The following THSD4 variants were observed in gnomAD, a reference collection of about 807,000 sequenced individuals.
THSD4 encodes the protein thrombospondin type 1 domain containing 4, also known as thrombospondin type-1 domain-containing protein 4.
A neutral mutation model predicts 119.0 loss-of-function variants in THSD4; 69 were observed. The observed-to-expected ratio is 0.58, with a 90% CI of 0.48 to 0.71. THSD4 has a LOEUF of 0.71. Ranked by LOEUF, THSD4 falls within the 30% of genes least tolerant of loss-of-function variation. THSD4 has a pLI of 0.00. For missense variants in THSD4, 1,393 were observed against 1,391.1 expected (o/e 1.00, Z -0.02); for synonymous variants, 524 against 540.4 (o/e 0.97, Z 0.42).
At chr15:71,630,100 T>TA (rs2050594547) in intron 7 of THSD4, among the ~76,000 whole-genome samples, 1 of 152,206 alleles carries the variant, frequency 6.6e-6, no homozygotes, top group Non-Finnish European at 1.5e-5. Context: ...CTTTCTTTTT[T>TA]AAAATTTGTT....
Position 71,318,347 on chromosome 15 carries a change from G to A in THSD4, c.1015+61632G>A, listed in dbSNP as rs374735131. On this transcript the variant is annotated intron_variant, in intron 6 of 17. Transcript: ENST00000261862. ...GAGACAGACAGAGAGCCAGGGAATG[G>A]CACTAGGCATAGGATGGAGCATGGT... is the stretch of plus-strand genomic sequence containing the variant. Among the ~76,000 whole-genome samples the A allele has an allele frequency of 1.2e-3, 186 of 152,258 alleles. 11 individuals carry two copies. In the South Asian group the frequency reaches 0.038, roughly 31 times the overall value.
chr15:71,116,464 A>C (rs1485432249), intron 1 of THSD4, among the ~76,000 whole-genome samples: 1 of 152,016 alleles, frequency 6.6e-6, no homozygotes, highest in Non-Finnish European at 1.5e-5. Flanking sequence ...AAGTATCTGG[A>C]ATTTGTGGTC....
chr15:71,535,328 C>T (rs1279196454), intron 7 of THSD4, among the ~76,000 whole-genome samples: 1 of 152,124 alleles, frequency 6.6e-6, no homozygotes, highest in Non-Finnish European at 1.5e-5. Context: ...TTTGTATTGC[C>T]AAACTATATT....
At chr15:71,643,236 T>C (rs1392519965) in intron 7 of THSD4, among the ~76,000 whole-genome samples, 1 of 152,198 alleles carries the variant, frequency 6.6e-6, no homozygotes, top group Non-Finnish European at 1.5e-5. Flanking sequence ...AGAAAAGAGA[T>C]ATAAGTAATC....
intron 6 of THSD4, among the ~76,000 whole-genome samples, chr15:71,320,512 A>G (rs2045251655): frequency 6.6e-6 from 1 of 152,216 alleles, no homozygotes; most frequent in African/African-American, 2.4e-5. Context: ...AAGATTTAAA[A>G]TAGGTCAGCT....
rs11448201 is a variant in THSD4, at chr15:71,774,310, C to CAAAA, written c.2915-2908_2915-2905dup. 1.6e-3 allele frequency among the ~76,000 whole-genome samples: 116 copies of CAAAA among 73,874 alleles called. 1 individual carries two copies. Among genetic ancestry groups the CAAAA allele is most frequent in the African/African-American group, 3.7e-3 (110 of 29,648 alleles). 48.5% of individuals were successfully genotyped at this position (73,874 alleles called of 152,430 possible). ...TGAGTGACAGAGTGAGACTCTGTCT[C>CAAAA]AAAAAAAAAAAAAAAAACTACAAGA... On this transcript the variant is annotated intron_variant, in intron 17 of 17. Transcript: ENST00000261862.
chr15:71,486,078 G>C (rs948860292), intron 7 of THSD4, among the ~76,000 whole-genome samples: 1 of 151,954 alleles, frequency 6.6e-6, no homozygotes, highest in Non-Finnish European at 1.5e-5. Flanking sequence ...TTCAGTTTAG[G>C]GACATGTGGA....
chr15:71,612,230 C>G (rs1194326819), intron 7 of THSD4, among the ~76,000 whole-genome samples: 2 of 152,104 alleles, frequency 1.3e-5, no homozygotes, highest in East Asian at 1.9e-4. Context: ...TCAGTGTGAT[C>G]ACTAAAGGGG....
chr15:71,302,170 G>A lies in THSD4; in HGVS notation c.1015+45455G>A, dbSNP rs115436475. 5.7e-3 allele frequency among the ~76,000 whole-genome samples: 873 copies of A among 152,294 alleles called. 4 individuals carry two copies. The highest frequency in any genetic ancestry group is 0.02 in the African/African-American group (814 of 41,546). ...TTGTGAGTCTCCTTTCCCTGGCAGC[G>A]TTTTCCATCCTTGTTTGATCAGATT... On this transcript the variant is annotated intron_variant, in intron 6 of 17. Transcript: ENST00000261862.
intron 7 of THSD4, among the ~76,000 whole-genome samples, chr15:71,490,274 A>T (rs1326037569): frequency 1.3e-5 from 2 of 151,188 alleles, no homozygotes; most frequent in Non-Finnish European, 3.0e-5. Flanking sequence ...AAAATACAAA[A>T]ATTAGGCCGG....
intron 7 of THSD4, among the ~76,000 whole-genome samples, chr15:71,427,506 G>T (rs967281455): frequency 6.6e-6 from 1 of 151,234 alleles, no homozygotes; most frequent in African/African-American, 2.4e-5. Flanking sequence ...AAGGTCTCCA[G>T]GGAGGGCAGG....
intron 6 of THSD4, among the ~76,000 whole-genome samples, chr15:71,324,221 G>A (rs1567195801): frequency 6.6e-6 from 1 of 151,412 alleles, no homozygotes; most frequent in Admixed American, 6.6e-5. Context: ...AACAACAAAC[G>A]TTTGGCCCTT....
chr15:71,406,100 A>C (rs909361075), intron 6 of THSD4, among the ~76,000 whole-genome samples: 16 of 151,376 alleles, frequency 1.1e-4, no homozygotes, highest in Non-Finnish European at 2.9e-5. Flanking sequence ...AGTATTTTCT[A>C]ATTTTCCTGT....
At chr15:71,688,131 A>G (rs1473873168) in intron 8 of THSD4, among the ~76,000 whole-genome samples, 2 of 152,240 alleles carry the variant, frequency 1.3e-5, no homozygotes, top group Non-Finnish European at 2.9e-5. Flanking sequence ...AATTCTCCAC[A>G]GTTCCCAACT....
At chr15:71,302,982 G>A (rs2044973495) in intron 6 of THSD4, among the ~76,000 whole-genome samples, 1 of 152,062 alleles carries the variant, frequency 6.6e-6, no homozygotes, top group Admixed American at 6.5e-5. Context: ...TGCATGTGGA[G>A]AAGGCTGCAT....
At chr15:71,377,890 A>C (rs866163783) in intron 6 of THSD4, among the ~76,000 whole-genome samples, 2,552 of 87,542 alleles carry the variant, frequency 0.029, 98 homozygotes, top group African/African-American at 0.1. Context: ...ACACACACAC[A>C]CACACACACA....
rs938590247 is a variant in THSD4 at position 71,701,813 on chromosome 15, G to T, written c.1358-26736G>T. ...TGTTAAAAGTGGTTATCCTTGTGGA[G>T]TGAAGCGAGATTGGGGCCAAGCAGA... On this transcript the variant is annotated intron_variant, in intron 8 of 17. Transcript: ENST00000261862. Among the ~76,000 whole-genome samples, 3 of 152,150 alleles carry T rather than the reference G, an allele frequency of 2.0e-5. No homozygotes were observed. The South Asian group carries it at 6.2e-4, about 32-fold the overall frequency.
At chr15:71,165,506 G>A (rs1269315494) in intron 3 of THSD4, 1 of 918,816 alleles carries the variant, frequency 1.1e-6, no homozygotes, top group Non-Finnish European at 1.7e-6. Context: ...GGAGCTCAAT[G>A]TACTGCCAAA....
At chr15:71,508,954 A>C (rs796429911) in intron 7 of THSD4, among the ~76,000 whole-genome samples, 1 of 87,904 alleles carries the variant, frequency 1.1e-5, no homozygotes, top group African/African-American at 6.1e-5. Context: ...TTTTTTTTCA[A>C]AAAAGGAAGC....
Sources: allele counts gnomAD v4.1 joint callset (sites outside exome capture counted in the v4.1 genomes callset), GRCh38; gene constraint gnomAD v4.1.1; transcripts MANE v1.5; gene names NCBI Gene and HGNC (gene_info 2026-07-23, HGNC 2026-07-21).